The following DCC variants were observed in gnomAD, a reference collection of about 807,000 sequenced individuals.
DCC encodes the protein DCC netrin 1 receptor, also known as netrin receptor DCC.
In DCC, 58 loss-of-function variants were observed where a neutral mutation model predicts 172.5. The observed-to-expected ratio is 0.34, with a 90% CI of 0.27 to 0.42. DCC has a LOEUF of 0.42. Ranked by LOEUF, DCC falls within the 10% of genes least tolerant of loss-of-function variation. The pLI is 1.00. For synonymous variants in DCC, 709 were observed against 644.5 expected (o/e 1.10, Z -1.52); for missense variants, 1,740 against 1,791.0 (o/e 0.97, Z 0.51).
intron 12 of DCC, among the ~76,000 whole-genome samples, chr18:53,303,936 G>T (rs995065014): frequency 6.6e-6 from 1 of 152,174 alleles, no homozygotes; most frequent in African/African-American, 2.4e-5. Context: ...CAGCAGGATG[G>T]ATGGGAAGCT....
intron 12 of DCC, among the ~76,000 whole-genome samples, chr18:53,291,716 A>C (rs2057007226): frequency 6.6e-6 from 1 of 152,232 alleles, no homozygotes; most frequent in African/African-American, 2.4e-5. Flanking sequence ...AGTACAAACG[A>C]ATAGTCTGAG....
At chr18:53,479,189 G>T (rs1412384716) in intron 25 of DCC, among the ~76,000 whole-genome samples, 1 of 152,172 alleles carries the variant, frequency 6.6e-6, no homozygotes, top group Non-Finnish European at 1.5e-5. Context: ...ATTTGCATTA[G>T]AAATGATCTC....
At chr18:53,176,909 G>T (rs1437897741) in intron 8 of DCC, among the ~76,000 whole-genome samples, 7 of 151,144 alleles carry the variant, frequency 4.6e-5, no homozygotes, top group Admixed American at 6.6e-5. Context: ...ATTCACAATA[G>T]CAAAGACTTG....
chr18:52,697,918 TA>T (rs1281070458), intron 1 of DCC, among the ~76,000 whole-genome samples: 1 of 152,160 alleles, frequency 6.6e-6, no homozygotes, highest in Non-Finnish European at 1.5e-5. Context: ...CATTAAAGGG[TA>T]TCATCTGCTC....
At chr18:53,113,821 T>A (rs2043372049) in intron 7 of DCC, among the ~76,000 whole-genome samples, 1 of 151,560 alleles carries the variant, frequency 6.6e-6, no homozygotes, top group African/African-American at 2.4e-5. Context: ...TTTCTTTCAT[T>A]TTTAACTGAT....
intron 3 of DCC, among the ~76,000 whole-genome samples, chr18:52,917,613 A>G (rs1382310359): frequency 1.3e-5 from 2 of 152,120 alleles, no homozygotes; most frequent in Non-Finnish European, 2.9e-5. Flanking sequence ...GGAAAGAGAG[A>G]AAGGAAAGGA....
intron 12 of DCC, among the ~76,000 whole-genome samples, chr18:53,297,027 G>T (rs1458491670): frequency 6.6e-6 from 1 of 152,222 alleles, no homozygotes; most frequent in African/African-American, 2.4e-5. Context: ...TCTGGAGAGA[G>T]TAAGGCAGAA....
At chr18:52,711,909 T>C (rs1302770140) in intron 1 of DCC, among the ~76,000 whole-genome samples, 1 of 152,214 alleles carries the variant, frequency 6.6e-6, no homozygotes, top group African/African-American at 2.4e-5. Context: ...TATGTGTACA[T>C]TTGACTGCTC....
intron 15 of DCC, among the ~76,000 whole-genome samples, chr18:53,377,139 G>A (rs897465861): frequency 3.3e-5 from 5 of 152,200 alleles, no homozygotes; most frequent in African/African-American, 1.2e-4. Context: ...ACAAGGCTGA[G>A]CTTTAAGAAT....
chr18:52,683,271 T>C (rs891352128), intron 1 of DCC, among the ~76,000 whole-genome samples: 1 of 151,992 alleles, frequency 6.6e-6, no homozygotes, highest in Admixed American at 6.6e-5. Context: ...AAAAAACAGA[T>C]ATGTAGGAAA....
intron 28 of DCC, among the ~76,000 whole-genome samples, chr18:53,529,036 TCTCA>T (rs1164226516): frequency 0.013 from 605 of 46,662 alleles, 1 homozygote; most frequent in East Asian, 0.021. Flanking sequence ...TCTCTCTCTC[TCTCA>T]CACACACACA....
chr18:52,832,638 G>A (rs538084718), intron 2 of DCC, among the ~76,000 whole-genome samples: 1 of 152,094 alleles, frequency 6.6e-6, no homozygotes, highest in Non-Finnish European at 1.5e-5. Flanking sequence ...TTTAGCATAA[G>A]TAGCAAACAG....
At chr18:52,377,830 C>T (rs531115632) in intron 1 of DCC, among the ~76,000 whole-genome samples, 6 of 151,884 alleles carry the variant, frequency 4.0e-5, no homozygotes, top group Non-Finnish European at 5.9e-5. Context: ...CCTCAGCCAC[C>T]TGAGTTGCTG....
chr18:52,872,740 GAA>G (rs1416885455), intron 2 of DCC, among the ~76,000 whole-genome samples: 5 of 152,254 alleles, frequency 3.3e-5, no homozygotes, highest in African/African-American at 1.2e-4. Context: ...CTGGGGCTAA[GAA>G]AACAATATTC....
intron 1 of DCC, among the ~76,000 whole-genome samples, chr18:52,382,625 A>G (rs1050375855): frequency 6.6e-6 from 1 of 152,120 alleles, no homozygotes; most frequent in African/African-American, 2.4e-5. Flanking sequence ...TTGGAGAGAT[A>G]TTTTGGAGAC....
chr18:52,394,862 C>T (rs903219163), intron 1 of DCC, among the ~76,000 whole-genome samples: 1 of 151,936 alleles, frequency 6.6e-6, no homozygotes, highest in Admixed American at 6.6e-5. Context: ...TGAGCTGTTG[C>T]AAGGAAGGTT....
chr18:52,598,953 C>T (rs1300302536), intron 1 of DCC, among the ~76,000 whole-genome samples: 2 of 152,072 alleles, frequency 1.3e-5, no homozygotes, highest in African/African-American at 4.8e-5. Flanking sequence ...CTATCAAGCT[C>T]TTTTATAAGG....
chr18:52,972,756 C>A (rs918268452), intron 5 of DCC, among the ~76,000 whole-genome samples: 1 of 152,180 alleles, frequency 6.6e-6, no homozygotes, highest in Non-Finnish European at 1.5e-5. Flanking sequence ...GCCATCCCAT[C>A]TTAATGGTAC....
chr18:53,202,657 G>A (rs570415261), intron 9 of DCC, among the ~76,000 whole-genome samples: 24 of 152,164 alleles, frequency 1.6e-4, no homozygotes, highest in Non-Finnish European at 3.4e-4. Context: ...GTAAGTGGTA[G>A]AGTAGAGGGC....
Sources: allele counts gnomAD v4.1 joint callset (sites outside exome capture counted in the v4.1 genomes callset), GRCh38; gene constraint gnomAD v4.1.1; transcripts MANE v1.5; gene names NCBI Gene and HGNC (gene_info 2026-07-23, HGNC 2026-07-21).